The following TRAPPC9 variants were observed in gnomAD, a reference collection of about 807,000 sequenced individuals.
TRAPPC9 encodes the protein IKK2 binding protein.
TRAPPC9 carries 83 observed loss-of-function variants against 124.0 expected under a neutral mutation model. That is an observed-to-expected ratio of 0.67 (90% CI 0.56 to 0.80). The LOEUF is 0.80. Among genes scored for constraint, TRAPPC9 ranks in the 30% least tolerant of loss-of-function variants. TRAPPC9 has a pLI of 0.00. For missense variants in TRAPPC9, 1,302 were observed against 1,508.3 expected (o/e 0.86, Z 2.27); for synonymous variants, 638 against 617.5 (o/e 1.03, Z -0.49).
intron 17 of TRAPPC9, among the ~76,000 whole-genome samples, chr8:140,050,463 C>T (rs1841916755): frequency 6.6e-6 from 1 of 152,140 alleles, no homozygotes; most frequent in African/African-American, 2.4e-5. Context: ...TCATGTTGTG[C>T]CTCTACCAGG....
chr8:139,909,427 C>A (rs1363636502), intron 20 of TRAPPC9, among the ~76,000 whole-genome samples: 1 of 152,182 alleles, frequency 6.6e-6, no homozygotes, highest in Admixed American at 6.5e-5. Flanking sequence ...CGCTCCCCAA[C>A]AGTGCTCAAT....
chr8:140,068,603 C>G (rs1211408249), intron 17 of TRAPPC9, among the ~76,000 whole-genome samples: 1 of 152,234 alleles, frequency 6.6e-6, no homozygotes, highest in African/African-American at 2.4e-5. Flanking sequence ...GTCATGAAAT[C>G]AGGCCGCTAG....
chr8:140,220,497 C>A (rs1415006330), intron 17 of TRAPPC9, among the ~76,000 whole-genome samples: 3 of 152,218 alleles, frequency 2.0e-5, no homozygotes, highest in African/African-American at 7.2e-5. Context: ...CCCTTCTTTA[C>A]TGCAGAGCCC....
At chr8:140,121,471 A>G (rs1307457998) in intron 17 of TRAPPC9, among the ~76,000 whole-genome samples, 1 of 152,222 alleles carries the variant, frequency 6.6e-6, no homozygotes, top group African/African-American at 2.4e-5. Context: ...GGCAGTAAGG[A>G]AGAGGCAGGA....
At chr8:140,050,373 C>T (rs567715746) in intron 17 of TRAPPC9, among the ~76,000 whole-genome samples, 5 of 152,346 alleles carry the variant, frequency 3.3e-5, no homozygotes, top group East Asian at 3.9e-4. Flanking sequence ...ACATGCTGAG[C>T]GATGTGCACA....
intron 19 of TRAPPC9, among the ~76,000 whole-genome samples, chr8:139,947,865 T>C (rs1834325171): frequency 1.1e-5 from 1 of 93,074 alleles, no homozygotes; most frequent in African/African-American, 4.0e-5. Flanking sequence ...CAAAATTCCG[T>C]CTCAAAAAAA....
intron 21 of TRAPPC9, among the ~76,000 whole-genome samples, chr8:139,816,593 C>T: frequency 6.7e-6 from 1 of 149,246 alleles, no homozygotes; most frequent in East Asian, 2.0e-4. Flanking sequence ...CCTCAGAGAA[C>T]ATCCCACGGC....
intron 17 of TRAPPC9, among the ~76,000 whole-genome samples, chr8:140,215,614 C>G (rs1332523571): frequency 1.3e-5 from 2 of 151,482 alleles, no homozygotes; most frequent in African/African-American, 4.9e-5. Flanking sequence ...CCACTGCTCT[C>G]CAGCCTGAGC....
At position 139,928,794 on chromosome 8, in the gene TRAPPC9, C is replaced by T. The variant is rs1375821232; in HGVS notation, c.2811-18494G>A. 8.0e-5 allele frequency among the ~76,000 whole-genome samples: 12 copies of T among 150,912 alleles called. No individual in the cohort carries two copies. In the Middle Eastern group the frequency reaches 0.01, roughly 129 times the overall value. ...AAGGCACCGTACAGTCTGTGTATGGCGCTCACAGGGTCTTGTCTCACCCTT... is the reference window on the plus strand; with the variant it reads ...AAGGCACCGTACAGTCTGTGTATGGTGCTCACAGGGTCTTGTCTCACCCTT... On this transcript the variant is annotated intron_variant, in intron 19 of 22. Transcript: ENST00000438773.
At position 140,342,145 on chromosome 8, in the gene TRAPPC9, G is replaced by A. The variant is rs552097630; in HGVS notation, c.1495+17905C>T. The stretch of plus-strand genomic sequence containing the variant: ...GCACTCTGTGCAGCAGATGGTGGGC[G>A]GGCAAACGGAAAGCAGGACTGCACT... On this transcript the variant is annotated intron_variant, in intron 9 of 22. Transcript: ENST00000438773. 4.6e-5 allele frequency among the ~76,000 whole-genome samples: 7 copies of A among 152,276 alleles called. No individual in the cohort carries two copies. The East Asian group carries it at 5.8e-4, about 13-fold the overall frequency.
chr8:140,271,020 G>A (rs2064861691), intron 15 of TRAPPC9, among the ~76,000 whole-genome samples: 1 of 152,192 alleles, frequency 6.6e-6, no homozygotes, highest in Non-Finnish European at 1.5e-5. Flanking sequence ...GTTTATTTGA[G>A]GTAAGGAAAA....
chr8:140,417,881 A>T (rs1201373981), intron 5 of TRAPPC9, among the ~76,000 whole-genome samples: 1 of 152,278 alleles, frequency 6.6e-6, no homozygotes, highest in East Asian at 1.9e-4. Flanking sequence ...CTATGCAGCC[A>T]TAAAAAAGGA....
intron 21 of TRAPPC9, among the ~76,000 whole-genome samples, chr8:139,757,076 T>G (rs1316561335): frequency 7.7e-5 from 9 of 117,530 alleles, no homozygotes; most frequent in Non-Finnish European, 8.8e-5. Flanking sequence ...GGACAGCAGG[T>G]CACAGGAGGA....
intron 21 of TRAPPC9, among the ~76,000 whole-genome samples, chr8:139,810,684 A>G (rs2130742251): frequency 6.6e-6 from 1 of 152,262 alleles, no homozygotes; most frequent in South Asian, 2.1e-4. Flanking sequence ...AGATTCCATG[A>G]AGGAGGGATG....
chr8:139,853,320 A>G (rs1377768937), intron 21 of TRAPPC9, among the ~76,000 whole-genome samples: 1 of 152,184 alleles, frequency 6.6e-6, no homozygotes, highest in Admixed American at 6.5e-5. Context: ...AGGGGAGGCC[A>G]AGCGATCAGA....
chr8:139,916,643 T>A (rs1832153124), intron 19 of TRAPPC9: 1 of 152,258 alleles, frequency 6.6e-6, no homozygotes, highest in African/African-American at 2.4e-5. Flanking sequence ...CATGTTTAAT[T>A]TTATGGCCAA....
chr8:140,329,585 G>C (rs2066841966), intron 9 of TRAPPC9, among the ~76,000 whole-genome samples: 1 of 152,166 alleles, frequency 6.6e-6, no homozygotes, highest in Admixed American at 6.6e-5. Context: ...GTGAAAATCA[G>C]AGATATTATA....
intron 3 of TRAPPC9, among the ~76,000 whole-genome samples, chr8:140,436,272 G>C (rs1260975992): frequency 1.3e-5 from 2 of 152,096 alleles, no homozygotes; most frequent in African/African-American, 4.8e-5. Flanking sequence ...CTTGAACCTG[G>C]GAAATGGAAG....
chr8:140,005,754 G>A (rs1448196146), intron 18 of TRAPPC9, among the ~76,000 whole-genome samples: 1 of 151,718 alleles, frequency 6.6e-6, no homozygotes, highest in African/African-American at 2.4e-5. Flanking sequence ...GAAAATAGGG[G>A]GAAAGGTCTT....
Sources: gnomAD v4.1 joint callset for allele counts (sites outside exome capture counted in the v4.1 genomes callset) on GRCh38, gnomAD v4.1.1 for gene constraint, MANE v1.5 for transcripts, NCBI Gene and HGNC (gene_info 2026-07-23, HGNC 2026-07-21) for gene names.